The following PSPC1 variants were observed in gnomAD, a reference collection of about 807,000 sequenced individuals.
The protein encoded by PSPC1 is paraspeckle component 1, also known as paraspeckle protein 1.
In PSPC1, 14 loss-of-function variants were observed where a neutral mutation model predicts 51.6. The ratio of observed to expected loss-of-function variants is 0.27; its 90% confidence interval spans 0.18 to 0.42. PSPC1 has a LOEUF of 0.42. Ranked by LOEUF, PSPC1 falls within the 10% of genes least tolerant of loss-of-function variation. The pLI is 1.00. For synonymous variants in PSPC1, 193 were observed against 231.9 expected (o/e 0.83, Z 1.53); for missense variants, 406 against 701.1 (o/e 0.58, Z 4.75).
At chr13:19,694,676 T>C (rs1295507703) in intron 6 of PSPC1, among the ~76,000 whole-genome samples, 1 of 152,202 alleles carries the variant, frequency 6.6e-6, no homozygotes, top group Non-Finnish European at 1.5e-5. Flanking sequence ...TTTAAGTCAA[T>C]TACAATAAAA....
chr13:19,757,156 G>T (rs571332782), intron 3 of PSPC1, among the ~76,000 whole-genome samples: 4 of 149,308 alleles, frequency 2.7e-5, no homozygotes, highest in Admixed American at 2.0e-4. Flanking sequence ...AAGAAAGAAA[G>T]ACTGTCCTTG....
chr13:19,724,320 T>A (rs1883106540), intron 6 of PSPC1, among the ~76,000 whole-genome samples: 1 of 146,744 alleles, frequency 6.8e-6, no homozygotes, highest in Middle Eastern at 3.2e-3. Context: ...ATTAATGGAA[T>A]TTTTTTTTTT....
downstream of PSPC1, chr13:19,672,128 T>A (rs562040959): frequency 2.3e-6 from 1 of 432,450 alleles, no homozygotes; most frequent in South Asian, 5.5e-5. Context: ...GAGGATTATT[T>A]AAGAAAATTA....
downstream of PSPC1, among the ~76,000 whole-genome samples, chr13:19,700,977 G>A (rs1169074619): frequency 6.6e-6 from 1 of 152,270 alleles, no homozygotes; most frequent in African/African-American, 2.4e-5. Context: ...CGGAATAACT[G>A]GGAGTTCAGA....
intron 2 of PSPC1, among the ~76,000 whole-genome samples, chr13:19,768,487 A>G (rs1385082113): frequency 6.6e-6 from 1 of 150,672 alleles, no homozygotes; most frequent in South Asian, 2.1e-4. Context: ...TCTACTAAAA[A>G]TACAAAAAAA....
rs1183692289 is a variant in PSPC1, at chr13:19,709,522, C to T, written c.1216+20G>A. 3 of 1,602,126 alleles carry T rather than the reference C, an allele frequency of 1.9e-6. No individual in the cohort carries two copies. Among genetic ancestry groups the T allele is most frequent in the East Asian group, 4.5e-5 (2 of 44,708 alleles). ...CCCAAAAATGATAAATTACAAAAGCCTTTTGCTTCAAATCCCTACCTCCCA... is the reference window on the plus strand; with the variant it reads ...CCCAAAAATGATAAATTACAAAAGCTTTTTGCTTCAAATCCCTACCTCCCA... On this transcript the variant is annotated intron_variant, in intron 7 of 8. Coordinates refer to ENST00000338910, the MANE Select transcript of PSPC1 (RefSeq NM_001354909.2).
intron 1 of PSPC1, among the ~76,000 whole-genome samples, chr13:19,781,228 A>T (rs1889937223): frequency 6.7e-6 from 1 of 148,624 alleles, no homozygotes; most frequent in Non-Finnish European, 1.5e-5. Context: ...CCCAGGCTGG[A>T]GTGCAGTGAC....
intron 6 of PSPC1, among the ~76,000 whole-genome samples, chr13:19,696,965 AT>A (rs1221432254): frequency 1.3e-5 from 2 of 152,170 alleles, no homozygotes; most frequent in African/African-American, 4.8e-5. Flanking sequence ...TCAATAGCTA[AT>A]ATGTTTCCTA....
chr13:19,737,651 C>A (rs752133378), intron 5 of PSPC1, among the ~76,000 whole-genome samples: 1 of 151,972 alleles, frequency 6.6e-6, no homozygotes, highest in African/African-American at 2.4e-5. Flanking sequence ...ATGCAAAAAC[C>A]CTGTTTCTCA....
intron 6 of PSPC1, among the ~76,000 whole-genome samples, chr13:19,728,363 A>G (rs1883606122): frequency 6.6e-6 from 1 of 151,968 alleles, no homozygotes; most frequent in African/African-American, 2.4e-5. Flanking sequence ...TTGAACACTT[A>G]CCATTTGATT....
chr13:19,743,757 T>G (rs1379442004), intron 4 of PSPC1, among the ~76,000 whole-genome samples: 1 of 152,120 alleles, frequency 6.6e-6, no homozygotes, highest in Non-Finnish European at 1.5e-5. Context: ...ATGACCGCAA[T>G]TATTTCGAAC....
At chr13:19,697,276 T>G (rs1478655181) in intron 6 of PSPC1, among the ~76,000 whole-genome samples, 3 of 152,158 alleles carry the variant, frequency 2.0e-5, no homozygotes, top group Non-Finnish European at 2.9e-5. Flanking sequence ...GAGATCTGTG[T>G]TTTAATGAGC....
At chr13:19,779,253 G>A (rs1432956609) in intron 1 of PSPC1, among the ~76,000 whole-genome samples, 66 of 53,302 alleles carry the variant, frequency 1.2e-3, no homozygotes, top group Middle Eastern at 0.012. Context: ...GTCTCCGCCC[G>A]GCAGCCACCC....
intron 1 of PSPC1, among the ~76,000 whole-genome samples, chr13:19,773,612 C>A (rs557230360): frequency 6.6e-6 from 1 of 151,928 alleles, no homozygotes; most frequent in African/African-American, 2.4e-5. Flanking sequence ...ATTTTCATTT[C>A]TCTTCAATTT....
chr13:19,673,955 C>T (rs1186864642), downstream of PSPC1, among the ~76,000 whole-genome samples: 2 of 152,216 alleles, frequency 1.3e-5, no homozygotes, highest in African/African-American at 2.4e-5. Flanking sequence ...CAGACCTAGT[C>T]ATGTCCGGAT....
chr13:19,717,297 G>A (rs1310813641), intron 6 of PSPC1, among the ~76,000 whole-genome samples: 1 of 151,952 alleles, frequency 6.6e-6, no homozygotes. Flanking sequence ...CGGACATGGT[G>A]GCTCACACTT....
intron 6 of PSPC1, among the ~76,000 whole-genome samples, chr13:19,712,572 T>A (rs1881581302): frequency 6.6e-6 from 1 of 152,176 alleles, no homozygotes; most frequent in Non-Finnish European, 1.5e-5. Context: ...GGTTTTAAGT[T>A]AACTATTAAA....
At chr13:19,726,660 C>T (rs1033462430) in intron 6 of PSPC1, among the ~76,000 whole-genome samples, 1 of 152,024 alleles carries the variant, frequency 6.6e-6, no homozygotes, top group African/African-American at 2.4e-5. Context: ...GTCTCAGCCA[C>T]TCAGGAGGAT....
intron 1 of PSPC1, among the ~76,000 whole-genome samples, chr13:19,779,009 G>A (rs1428205437): frequency 4.3e-5 from 6 of 138,902 alleles, no homozygotes; most frequent in Non-Finnish European, 6.3e-5. Context: ...TGTGGGGAGC[G>A]CCTCTGCCCC....
Sources: gnomAD v4.1 joint callset for allele counts (sites outside exome capture counted in the v4.1 genomes callset) on GRCh38, gnomAD v4.1.1 for gene constraint, MANE v1.5 for transcripts, NCBI Gene and HGNC (gene_info 2026-07-23, HGNC 2026-07-21) for gene names.